Variants in GOLGA5 observed in about 807,000 individuals in gnomAD.
The protein encoded by GOLGA5 is golgin A5.
A neutral mutation model predicts 93.5 loss-of-function variants in GOLGA5; 50 were observed. The observed-to-expected ratio is 0.53, with a 90% CI of 0.43 to 0.68. The LOEUF is 0.68. Ranked by LOEUF, GOLGA5 falls within the 30% of genes least tolerant of loss-of-function variation. The probability of loss-of-function intolerance (pLI) is 0.00; values close to 1 mark genes in which losing one functional copy is unlikely to be tolerated. For missense variants in GOLGA5, 760 were observed against 856.4 expected (o/e 0.89, Z 1.40); for synonymous variants, 312 against 304.5 (o/e 1.02, Z -0.26).
At chr14:92,839,283 CAG>C (rs990081117) in intron 12 of GOLGA5, 81 bp from the exon 13 acceptor site, 1 of 813,002 alleles carries the variant, frequency 1.2e-6, no homozygotes, top group Admixed American at 1.9e-5. Context: ...AGGTAAGACA[CAG>C]TGCCTGCCCT....
intron 5 of GOLGA5, 170 bp downstream of exon 5, chr14:92,810,547 A>G (rs1885083367): frequency 2.3e-6 from 1 of 434,490 alleles, no homozygotes; most frequent in South Asian, 5.6e-5. Context: ...TCCTTGCTAA[A>G]TGTATTTAAT....
chr14:92,824,787 A>G (rs533009791), intron 9 of GOLGA5, 143 bp downstream of exon 9: 73 of 590,946 alleles, frequency 1.2e-4, no homozygotes, highest in Admixed American at 5.9e-4. Context: ...TCAACCTGGT[A>G]TAGAAAATTC....
At chr14:92,831,559 G>T (rs1280697789) in intron 9 of GOLGA5, among the ~76,000 whole-genome samples, 1 of 152,074 alleles carries the variant, frequency 6.6e-6, no homozygotes, top group Non-Finnish European at 1.5e-5. Context: ...TGTTTGTTTT[G>T]ATCTTGATGC....
intron 3 of GOLGA5, 62 bp downstream of exon 3, chr14:92,807,025 C>T (rs111956343): frequency 2.6e-5 from 30 of 1,133,548 alleles, no homozygotes; most frequent in African/African-American, 1.5e-4. Flanking sequence ...TAAGGCTGGA[C>T]GCAGTGGCTC....
chr14:92,798,910 T>C (rs2140311088), intron 2 of GOLGA5, among the ~76,000 whole-genome samples: 1 of 152,338 alleles, frequency 6.6e-6, no homozygotes, highest in African/African-American at 2.4e-5. Context: ...AATGAGACGC[T>C]GTCTCCAAAG....
intron 9 of GOLGA5, 142 bp from the exon 10 acceptor site, chr14:92,832,980 C>A (rs1461332824): frequency 3.3e-6 from 2 of 608,220 alleles, no homozygotes; most frequent in South Asian, 4.0e-5. Context: ...TTTTGAAAAT[C>A]ACTTTTGTAG....
chr14:92,808,265 A>G (rs943849058), intron 3 of GOLGA5, among the ~76,000 whole-genome samples: 9 of 151,858 alleles, frequency 5.9e-5, no homozygotes, highest in African/African-American at 2.2e-4. Flanking sequence ...AACAACAACA[A>G]CAAAAACAAA....
intron 5 of GOLGA5, 67 bp downstream of exon 5, chr14:92,810,444 C>T: frequency 8.4e-7 from 1 of 1,196,536 alleles, no homozygotes. Flanking sequence ...TATGCTGTTT[C>T]ATAGCACATT....
At chr14:92,813,748 A>G (rs1256980363) in intron 6 of GOLGA5, among the ~76,000 whole-genome samples, 1 of 152,152 alleles carries the variant, frequency 6.6e-6, no homozygotes, top group African/African-American at 2.4e-5. Flanking sequence ...AGTGCCTGGT[A>G]TTCGGTACAT....
chr14:92,806,502 G>T (rs1884988812), intron 2 of GOLGA5, among the ~76,000 whole-genome samples: 1 of 152,004 alleles, frequency 6.6e-6, no homozygotes, highest in Non-Finnish European at 1.5e-5. Context: ...TGGTAGAGAT[G>T]GGGTTTCACC....
chr14:92,838,447 A>C (rs2085808675), intron 12 of GOLGA5, among the ~76,000 whole-genome samples: 1 of 151,676 alleles, frequency 6.6e-6, no homozygotes, highest in Admixed American at 6.6e-5. Flanking sequence ...GGCTCACTGC[A>C]TTCTCCACCT....
In GOLGA5 at chr14:92,837,472, A is replaced by T. The variant is rs747146586; in HGVS notation, c.2115+23A>T. 3 of 963,644 alleles carry T rather than the reference A, an allele frequency of 3.1e-6. No homozygotes were observed. The East Asian group carries it at 7.2e-5, about 23-fold the overall frequency. 59.7% of individuals were successfully genotyped at this position (963,644 alleles called of 1,614,324 possible). ...ATGGTAAGTAAATTTATTTGAAAAAACAATGATGCACTTGATTTTTAACTA... is the reference window on the plus strand; with the variant it reads ...ATGGTAAGTAAATTTATTTGAAAAATCAATGATGCACTTGATTTTTAACTA... On this transcript the variant is annotated intron_variant, in intron 12 of 12. Transcript: ENST00000163416.
intron 3 of GOLGA5, among the ~76,000 whole-genome samples, chr14:92,807,870 G>A (rs185474720): frequency 7.2e-4 from 110 of 152,320 alleles, no homozygotes; most frequent in African/African-American, 2.4e-3. Flanking sequence ...TTAGAAAGGA[G>A]TGAGGGGATG....
At chr14:92,814,133 G>T (rs1885156152) in intron 6 of GOLGA5, among the ~76,000 whole-genome samples, 1 of 152,194 alleles carries the variant, frequency 6.6e-6, no homozygotes, top group African/African-American at 2.4e-5. Context: ...GTAATTAGAA[G>T]TAAGTTGGGA....
chr14:92,837,853 C>G (rs746462168), intron 12 of GOLGA5, among the ~76,000 whole-genome samples: 1 of 152,158 alleles, frequency 6.6e-6, no homozygotes, highest in Non-Finnish European at 1.5e-5. Flanking sequence ...AATGCGCCAA[C>G]GCACCCAGCC....
chr14:92,814,206 AAC>A (rs1008464240), intron 6 of GOLGA5, among the ~76,000 whole-genome samples: 18 of 152,144 alleles, frequency 1.2e-4, no homozygotes, highest in African/African-American at 4.3e-4. Context: ...GAGGTCTAAA[AAC>A]ACAGTCTTAA....
chr14:92,800,528 A>G (rs1458677710), intron 2 of GOLGA5, among the ~76,000 whole-genome samples: 2 of 152,252 alleles, frequency 1.3e-5, no homozygotes, highest in Non-Finnish European at 2.9e-5. Context: ...CTTGTGTCAT[A>G]CTGTTTATGC....
At chr14:92,795,738 T>C (rs927737644) in intron 1 of GOLGA5, among the ~76,000 whole-genome samples, 21 of 148,302 alleles carry the variant, frequency 1.4e-4, no homozygotes, top group African/African-American at 5.0e-4. Context: ...GTTAAAAAAA[T>C]ACGTAATTAT....
At chr14:92,822,087 C>T (rs1885327826) in intron 8 of GOLGA5, among the ~76,000 whole-genome samples, 1 of 152,158 alleles carries the variant, frequency 6.6e-6, no homozygotes, top group South Asian at 2.1e-4. Context: ...TCCTTTAGTG[C>T]TTCTTATTAA....
Sources: gnomAD v4.1 joint callset for allele counts (sites outside exome capture counted in the v4.1 genomes callset) on GRCh38, gnomAD v4.1.1 for gene constraint, MANE v1.5 for transcripts, NCBI Gene and HGNC (gene_info 2026-07-23, HGNC 2026-07-21) for gene names.